Variants in ATF2 observed in about 807,000 individuals in gnomAD.
ATF2 encodes the protein cyclic AMP-dependent transcription factor ATF-2.
Under a neutral mutation model 60.6 loss-of-function variants are expected in ATF2, and 24 were observed. The ratio of observed to expected loss-of-function variants is 0.40; its 90% CI spans 0.29 to 0.56. ATF2 has a LOEUF of 0.56. Ranked by LOEUF, ATF2 falls within the 20% of genes least tolerant of loss-of-function variation. ATF2 has a pLI of 0.54. For missense variants in ATF2, 433 were observed against 607.7 expected (o/e 0.71, Z 3.02); for synonymous variants, 206 against 215.4 (o/e 0.96, Z 0.38).
At chr2:175,156,095 C>G (rs10184662) in intron 1 of ATF2, among the ~76,000 whole-genome samples, 37,335 of 151,842 alleles carry the variant, frequency 0.25, 5,208 homozygotes, top group African/African-American at 0.39. Context: ...TCTTTGCTAG[C>G]CATGGTGGCT....
At position 175,084,400 on chromosome 2, in the gene ATF2, A is replaced by T. The variant is rs186303622; in HGVS notation, c.1186-3635T>A. 1.0e-3 allele frequency among the ~76,000 whole-genome samples: 157 copies of T among 150,886 alleles called. 1 individual carries two copies. Among genetic ancestry groups the T allele is most frequent in the African/African-American group, 3.7e-3 (154 of 41,120 alleles). ...CCGTAAACTATCGCAAGGACAAAAA[A>T]ACCAAACACCACATGTTCTCACTCA... On this transcript the variant is annotated intron_variant, in intron 12 of 13. Coordinates refer to ENST00000264110, the MANE Select transcript of ATF2 (RefSeq NM_001880.4).
intron 10 of ATF2, among the ~76,000 whole-genome samples, chr2:175,108,462 T>TG (rs1212066083): frequency 3.0e-5 from 4 of 134,956 alleles, no homozygotes; most frequent in East Asian, 2.3e-4. Flanking sequence ...GGGAGGGAGG[T>TG]GGGGGGTCAG....
chr2:175,111,404 A>C (rs1369305239), intron 10 of ATF2, among the ~76,000 whole-genome samples, 164 bp downstream of exon 10: 1 of 152,236 alleles, frequency 6.6e-6, no homozygotes, highest in African/African-American at 2.4e-5. Context: ...CACTATGCTA[A>C]AGGAAGATTT....
At chr2:175,093,290 C>T in intron 11 of ATF2, 23 bp from the exon 12 acceptor site, 1 of 1,604,624 alleles carries the variant, frequency 6.2e-7, no homozygotes, top group Non-Finnish European at 8.5e-7. Context: ...GAGATGAAAG[C>T]CTGTTATATT....
intron 7 of ATF2, among the ~76,000 whole-genome samples, chr2:175,115,443 G>A (rs78358586): frequency 0.04 from 6,014 of 152,064 alleles, 389 homozygotes; most frequent in African/African-American, 0.14. Context: ...AATAATTACC[G>A]GAGTGAACTC....
chr2:175,141,544 G>A (rs1698535918), intron 2 of ATF2, among the ~76,000 whole-genome samples: 1 of 151,944 alleles, frequency 6.6e-6, no homozygotes, highest in African/African-American at 2.4e-5. Context: ...CCAGGCTGGA[G>A]TGCAGTGGCG....
chr2:175,097,652 C>T, intron 10 of ATF2, 59 bp from the exon 11 acceptor site: 2 of 1,573,832 alleles, frequency 1.3e-6, no homozygotes, highest in Non-Finnish European at 1.7e-6. Context: ...TCATGAATAT[C>T]AACAAGACAA....
intron 1 of ATF2, among the ~76,000 whole-genome samples, chr2:175,161,763 CT>C (rs10710666): frequency 0.87 from 117,696 of 134,654 alleles, 51,125 homozygotes; most frequent in East Asian, 0.98. Flanking sequence ...GAAAGTAACT[CT>C]TTTTTTTTTT....
chr2:175,110,647 C>A (rs1574395431), intron 10 of ATF2, among the ~76,000 whole-genome samples: 1 of 152,046 alleles, frequency 6.6e-6, no homozygotes, highest in Admixed American at 6.5e-5. Context: ...CTCTGTCACC[C>A]AGGCTGGAGT....
intron 4 of ATF2, among the ~76,000 whole-genome samples, chr2:175,128,104 A>G (rs1385469733): frequency 6.6e-6 from 1 of 152,210 alleles, no homozygotes; most frequent in Non-Finnish European, 1.5e-5. Flanking sequence ...ACACTTACAC[A>G]ATCATTTGAT....
At chr2:175,151,955 T>A (rs1379052511) in intron 1 of ATF2, among the ~76,000 whole-genome samples, 1 of 152,178 alleles carries the variant, frequency 6.6e-6, no homozygotes, top group African/African-American at 2.4e-5. Context: ...AGGAAATTTT[T>A]CAGAAATTTC....
At chr2:175,125,735 C>T (rs1470111195) in intron 4 of ATF2, among the ~76,000 whole-genome samples, 1 of 152,102 alleles carries the variant, frequency 6.6e-6, no homozygotes, top group Non-Finnish European at 1.5e-5. Flanking sequence ...TAAAGCCATG[C>T]TTTCGATTAA....
intron 10 of ATF2, among the ~76,000 whole-genome samples, chr2:175,108,336 C>T (rs1342898244): frequency 1.3e-5 from 2 of 151,614 alleles, no homozygotes; most frequent in Non-Finnish European, 2.9e-5. Flanking sequence ...GGTCAACCCC[C>T]GCCCGGCCAG....
chr2:175,094,403 GAA>G (rs61440218), intron 11 of ATF2, among the ~76,000 whole-genome samples: 690 of 61,028 alleles, frequency 0.011, 3 homozygotes, highest in African/African-American at 0.023. Context: ...CAAAAAATAC[GAA>G]AAAAAAAAAA....
intron 10 of ATF2, among the ~76,000 whole-genome samples, chr2:175,098,621 A>T (rs974795798): frequency 1.3e-5 from 2 of 152,196 alleles, no homozygotes; most frequent in African/African-American, 4.8e-5. Context: ...TTAGAAATAC[A>T]TAACTGTCTG....
chr2:175,142,716 AGAGAGTGTGTGTGTGTGT>A (rs1401329038), intron 2 of ATF2, among the ~76,000 whole-genome samples: 1 of 120,726 alleles, frequency 8.3e-6, no homozygotes, highest in Non-Finnish European at 1.7e-5. Flanking sequence ...AGAGAGAGAG[AGAGAGTGTGTGTGTGTGT>A]GTGTGTGTGT....
At chr2:175,129,546 T>C (rs1191164441) in intron 4 of ATF2, among the ~76,000 whole-genome samples, 1 of 152,116 alleles carries the variant, frequency 6.6e-6, no homozygotes, top group Non-Finnish European at 1.5e-5. Flanking sequence ...AAGTACTTTG[T>C]AACTTTGCTA....
intron 9 of ATF2, 31 bp from the exon 10 acceptor site, chr2:175,111,685 A>T (rs1396071573): frequency 6.4e-7 from 1 of 1,559,036 alleles, no homozygotes; most frequent in African/African-American, 1.4e-5. Context: ...AATAATTGCT[A>T]GAGAATATAT....
Position 175,114,803 on chromosome 2 carries a change from A to G in ATF2, c.513T>C (p.Val171=). 6.2e-7 allele frequency: 1 copy of G among 1,613,984 alleles called. No individual in the cohort carries two copies. The highest frequency in any genetic ancestry group is 1.3e-5 in the African/African-American group (1 of 75,024). ...CAGAACTTGTAAGCAGCACATTGGG[A>G]ACCTGTAATGATGCTGGACGAACAA... ...SAIVRPASLQ[V]PNVLLTSSDS... The change falls in exon 8 of 14, where the codon GTT becomes GTC. Residue 171 remains valine, a synonymous_variant. Transcript: ENST00000264110.
Sources: gnomAD v4.1 joint callset for allele counts (sites outside exome capture counted in the v4.1 genomes callset) on GRCh38, gnomAD v4.1.1 for gene constraint, MANE v1.5 for transcripts, NCBI Gene and HGNC (gene_info 2026-07-23, HGNC 2026-07-21) for gene names.